CD200R1: variants seen among roughly 807,000 people sequenced by gnomAD.
CD200R1 encodes cell surface glycoprotein CD200 receptor 1.
Under a neutral mutation model 38.1 loss-of-function variants are expected in CD200R1, and 30 were observed. The ratio of observed to expected loss-of-function variants is 0.79; its 90% CI spans 0.59 to 1.07. The LOEUF (loss-of-function observed/expected upper bound fraction) is 1.07. Among genes scored for constraint, CD200R1 ranks in the 50% least tolerant of loss-of-function variants. The pLI is 0.00. For synonymous variants in CD200R1, 128 were observed against 152.1 expected, an observed-to-expected ratio of 0.84 and a Z score of 1.16; for missense variants, 372 against 415.4, an observed-to-expected ratio of 0.90 and a Z score of 0.91.
chr3:112,950,564 C>G (rs1037218426), intron 1 of CD200R1, among the ~76,000 whole-genome samples: 23 of 152,060 alleles, frequency 1.5e-4, no homozygotes, highest in Non-Finnish European at 3.1e-4. Flanking sequence ...ATATAGTTAT[C>G]AACCACACTG....
At chr3:112,935,966 A>G (rs1391739391) in intron 2 of CD200R1, among the ~76,000 whole-genome samples, 6 of 152,072 alleles carry the variant, frequency 3.9e-5, no homozygotes, top group Admixed American at 3.3e-4. Flanking sequence ...CCACCCTCTG[A>G]CAGGCTCCAG....
At position 112,929,483 on chromosome 3, in the gene CD200R1, A is replaced by G. The variant is rs1940371496; in HGVS notation, c.227T>C (p.Met76Thr). ...AEVNTSWPVKMATNAVLCCPP... is the reference protein window; with the variant it reads ...AEVNTSWPVKTATNAVLCCPP... ...GCAACAAAGCACAGCATTTGTAGCC[A>G]TCTTTACAGGCCATGAAGTGTTAAC... The change falls in exon 4 of 8, where the codon ATG (methionine) becomes ACG (threonine). Residue 76 changes from methionine (M) to threonine (T), a missense_variant. Physicochemically the swap from Met to Thr is moderately conservative, Grantham distance 81. Coordinates refer to ENST00000308611, the MANE Select transcript of CD200R1 (RefSeq NM_138806.4). 1.2e-6 allele frequency: 2 copies of G among 1,613,438 alleles called. No homozygotes were observed. Among genetic ancestry groups the G allele is most frequent in the Non-Finnish European group, 1.7e-6 (2 of 1,179,772 alleles).
At chr3:112,973,477 C>T (rs1177320662) in intron 1 of CD200R1, among the ~76,000 whole-genome samples, 2 of 152,286 alleles carry the variant, frequency 1.3e-5, no homozygotes, top group East Asian at 1.9e-4. Flanking sequence ...CATATCTAAC[C>T]TTGGCCAAAT....
At chr3:112,931,222 G>C in intron 2 of CD200R1, 51 bp from the exon 3 acceptor site, 1 of 1,119,324 alleles carries the variant, frequency 8.9e-7, no homozygotes, top group Non-Finnish European at 1.4e-6. Flanking sequence ...TGTACTCAGA[G>C]TGGAAGCCAG....
chr3:112,933,174 G>T (rs1234707136), intron 2 of CD200R1, among the ~76,000 whole-genome samples: 1 of 152,146 alleles, frequency 6.6e-6, no homozygotes, highest in Non-Finnish European at 1.5e-5. Context: ...CCCCAGACTG[G>T]CCGAGTGGCT....
At chr3:112,951,073 A>G (rs370348701) in intron 1 of CD200R1, among the ~76,000 whole-genome samples, 3 of 152,126 alleles carry the variant, frequency 2.0e-5, no homozygotes, top group Non-Finnish European at 1.5e-5. Context: ...AATTAAGGAA[A>G]TCAAAAGCTA....
chr3:112,949,660 A>C (rs1029986757), intron 1 of CD200R1, among the ~76,000 whole-genome samples: 2 of 152,252 alleles, frequency 1.3e-5, no homozygotes, highest in Non-Finnish European at 2.9e-5. Context: ...TTAGAGCCTA[A>C]GAAATATGCT....
intron 1 of CD200R1, among the ~76,000 whole-genome samples, chr3:112,961,811 T>TA (rs961642498): frequency 6.6e-6 from 1 of 151,520 alleles, no homozygotes; most frequent in African/African-American, 2.4e-5. Flanking sequence ...CATGAACCAA[T>TA]AAAAAAAGAG....
chr3:112,958,621 T>A (rs1402684185), intron 1 of CD200R1, among the ~76,000 whole-genome samples: 1 of 152,166 alleles, frequency 6.6e-6, no homozygotes, highest in Non-Finnish European at 1.5e-5. Flanking sequence ...CAATTAATTG[T>A]ACATAAATTA....
chr3:112,967,072 A>G lies in CD200R1; in HGVS notation c.67+7719T>C, dbSNP rs1412150071. Among the ~76,000 whole-genome samples the G allele has an allele frequency of 2.0e-5, 3 of 152,020 alleles. 1 individual carries two copies. The highest frequency in any genetic ancestry group is 7.2e-5 in the African/African-American group (3 of 41,448). ...AAACCCCTTTCCTAGCCTTCCCACT[A>G]CACCCATGCATTCCCTTCTCTGTCT... On this transcript the variant is annotated intron_variant, in intron 1 of 7. Transcript: ENST00000308611.
At chr3:112,969,801 C>CTCT (rs1381961726) in intron 1 of CD200R1, among the ~76,000 whole-genome samples, 1 of 152,150 alleles carries the variant, frequency 6.6e-6, no homozygotes, top group African/African-American at 2.4e-5. Context: ...ATCTCAGAGT[C>CTCT]TAACTTCCAA....
chr3:112,950,275 G>A (rs988225727), intron 1 of CD200R1, among the ~76,000 whole-genome samples: 4 of 151,960 alleles, frequency 2.6e-5, no homozygotes, highest in Non-Finnish European at 5.9e-5. Flanking sequence ...GGTGGCAGAT[G>A]CCTGTAATCC....
chr3:112,939,869 C>CAAAAAA (rs199986714), intron 2 of CD200R1, among the ~76,000 whole-genome samples: 2 of 120,390 alleles, frequency 1.7e-5, no homozygotes, highest in African/African-American at 3.1e-5. Flanking sequence ...ACAAACAAAC[C>CAAAAAA]AAAAAAAAAA....
chr3:112,939,684 A>G (rs1053991594), intron 2 of CD200R1, among the ~76,000 whole-genome samples: 1 of 151,944 alleles, frequency 6.6e-6, no homozygotes, highest in Non-Finnish European at 1.5e-5. Context: ...ATGGACTAGA[A>G]TAACTAATAT....
intron 2 of CD200R1, among the ~76,000 whole-genome samples, chr3:112,946,095 T>C (rs1489114184): frequency 6.8e-6 from 1 of 147,718 alleles, no homozygotes; most frequent in Non-Finnish European, 1.5e-5. Flanking sequence ...AAAAATACAG[T>C]CATCCCTTGT....
At chr3:112,970,756 G>T (rs1025769154) in intron 1 of CD200R1, among the ~76,000 whole-genome samples, 2 of 152,088 alleles carry the variant, frequency 1.3e-5, no homozygotes, top group Admixed American at 6.6e-5. Flanking sequence ...TCTCTCATTT[G>T]TTCCCATTAC....
At chr3:112,962,520 C>T (rs1391266692) in intron 1 of CD200R1, among the ~76,000 whole-genome samples, 1 of 152,094 alleles carries the variant, frequency 6.6e-6, no homozygotes, top group Non-Finnish European at 1.5e-5. Flanking sequence ...TTGAAAACCA[C>T]AAAATATCAT....
intron 2 of CD200R1, among the ~76,000 whole-genome samples, chr3:112,947,139 T>A (rs1484768224): frequency 6.6e-6 from 1 of 152,124 alleles, no homozygotes; most frequent in African/African-American, 2.4e-5. Flanking sequence ...GAAGGATGAA[T>A]AGGTAGAATA....
intron 1 of CD200R1, among the ~76,000 whole-genome samples, chr3:112,950,496 A>G (rs545291909): frequency 1.3e-5 from 2 of 152,330 alleles, no homozygotes; most frequent in African/African-American, 4.8e-5. Flanking sequence ...TTCAAAATAC[A>G]TATTTCTTAT....
Sources: allele counts gnomAD v4.1 joint callset (sites outside exome capture counted in the v4.1 genomes callset), GRCh38; gene constraint gnomAD v4.1.1; transcripts MANE v1.5; gene names NCBI Gene and HGNC (gene_info 2026-07-23, HGNC 2026-07-21).